The following ABI3BP variants were observed in gnomAD, a reference collection of about 807,000 sequenced individuals.
The protein encoded by ABI3BP is ABI family member 3 binding protein.
A neutral mutation model predicts 268.6 loss-of-function variants in ABI3BP; 216 were observed. That is an observed-to-expected ratio of 0.80 (90% CI 0.72 to 0.90). ABI3BP has a LOEUF of 0.90. ABI3BP is among the 40% of genes least tolerant of loss of function. The pLI, the probability that ABI3BP is intolerant of heterozygous loss-of-function variation, is 0.00. For missense variants in ABI3BP, 2,090 were observed against 2,182.4 expected (o/e 0.96, Z 0.84); for synonymous variants, 730 against 730.0 (o/e 1.00, Z 0.00).
rs2152844516 is a variant in ABI3BP at position 100,834,718 on chromosome 3, G to C, written c.2247C>G (p.Thr749=). 6 of 1,535,696 alleles carry C rather than the reference G, an allele frequency of 3.9e-6. No individual in the cohort carries two copies. The South Asian group carries it at 5.9e-5, about 15-fold the overall frequency. The change falls in exon 29 of 68, where the codon ACC becomes ACG. Residue 749 remains threonine (T), a synonymous_variant. Transcript: ENST00000471714. ...RTRRPRPKHK[T]TPRPETLQTK... ...TCTGCAGTGTCTCTGGGCGTGGCGT[G>C]GTTTTATGTTTGGGACGTGGACGAC...
intron 2 of ABI3BP, among the ~76,000 whole-genome samples, chr3:100,912,988 C>T (rs756026805): frequency 2.7e-4 from 41 of 152,112 alleles, no homozygotes; most frequent in Non-Finnish European, 4.0e-4. Flanking sequence ...GAGGGGAACC[C>T]CACTGAAGAA....
Position 100,835,604 on chromosome 3 carries a change from ATGT to A in ABI3BP, c.2185_2187del (p.Thr729del). Reference sequence around the variant, plus strand: ...TAAAGACATAAGAGGTCATTACCTAATGTTGTCACTGTAGCCTCAGTTCTCACA... The same window carrying A: ...TAAAGACATAAGAGGTCATTACCTAATGTCACTGTAGCCTCAGTTCTCACA... On this transcript the variant is annotated inframe_deletion, in exon 28 of 68. Coordinates refer to ENST00000471714, the MANE Select transcript of ABI3BP (RefSeq NM_001375547.2). The A allele has an allele frequency of 1.3e-6, 2 of 1,534,450 alleles. No homozygotes were observed. The highest frequency in any genetic ancestry group is 1.7e-6 in the Non-Finnish European group (2 of 1,145,622).
chr3:100,843,678 G>A (rs1279256381), intron 20 of ABI3BP: 1 of 984,148 alleles, frequency 1.0e-6, no homozygotes, highest in African/African-American at 1.7e-5. Flanking sequence ...GGGAGTGCAT[G>A]TATAGGTCTA....
chr3:100,942,881 CA>C (rs1256095329), intron 1 of ABI3BP, among the ~76,000 whole-genome samples: 5 of 152,000 alleles, frequency 3.3e-5, no homozygotes, highest in Non-Finnish European at 5.9e-5. Flanking sequence ...TTAATGGGCC[CA>C]ATGTCATTTG....
intron 1 of ABI3BP, among the ~76,000 whole-genome samples, chr3:100,968,042 A>G (rs991618592): frequency 4.6e-5 from 7 of 152,180 alleles, no homozygotes; most frequent in Non-Finnish European, 7.3e-5. Context: ...GGGCTATGTG[A>G]TATTAGAGGA....
intron 1 of ABI3BP, among the ~76,000 whole-genome samples, chr3:100,987,767 T>G (rs1180084998): frequency 6.6e-6 from 1 of 152,208 alleles, no homozygotes; most frequent in Non-Finnish European, 1.5e-5. Context: ...GATAATAATA[T>G]TTCACAGGTG....
At position 100,833,213 on chromosome 3, in the gene ABI3BP, G is replaced by A. The variant is rs964451325; in HGVS notation, c.2282-56C>T. On this transcript the variant is annotated intron_variant, in intron 29 of 67. Coordinates refer to ENST00000471714, the MANE Select transcript of ABI3BP (RefSeq NM_001375547.2). ...AAAAAGAAATAAATGTTAAACACAC[G>A]AGAAAAGCCATCATTCTCTTGAAAA... 7.0e-5 allele frequency: 101 copies of A among 1,440,976 alleles called. 1 individual carries two copies. The highest frequency in any genetic ancestry group is 8.7e-5 in the Non-Finnish European group (93 of 1,065,158). The allele number at this position is 1,440,976 out of a possible 1,614,324, so 89.3% of individuals were successfully genotyped here.
At chr3:100,913,208 A>G (rs1561585512) in intron 2 of ABI3BP, among the ~76,000 whole-genome samples, 1 of 152,280 alleles carries the variant, frequency 6.6e-6, no homozygotes, top group East Asian at 1.9e-4. Context: ...CACAACAGCA[A>G]ACTGGTTTCA....
chr3:100,922,176 A>G (rs759706582), intron 2 of ABI3BP, among the ~76,000 whole-genome samples: 6 of 152,228 alleles, frequency 3.9e-5, no homozygotes, highest in Non-Finnish European at 8.8e-5. Context: ...TCATCACTTT[A>G]TAGTTACAAA....
chr3:100,763,178 G>A (rs1296499285), intron 63 of ABI3BP, among the ~76,000 whole-genome samples: 6 of 151,982 alleles, frequency 3.9e-5, no homozygotes, highest in African/African-American at 1.4e-4. Context: ...ATCTAGACGG[G>A]GGCTGGGCGT....
intron 4 of ABI3BP, among the ~76,000 whole-genome samples, chr3:100,897,685 T>A (rs2048361463): frequency 6.6e-6 from 1 of 152,228 alleles, no homozygotes; most frequent in Non-Finnish European, 1.5e-5. Context: ...AAAATTTTTC[T>A]GTTTCCTGAT....
At chr3:100,817,321 A>G (rs1289692549) in intron 42 of ABI3BP, 115 bp downstream of exon 42, 3 of 664,100 alleles carry the variant, frequency 4.5e-6, no homozygotes, top group Non-Finnish European at 7.2e-6. Flanking sequence ...GTTGAAGGAT[A>G]GCAGAAGATG....
chr3:100,811,888 G>T, intron 46 of ABI3BP, 89 bp from the exon 47 acceptor site: 1 of 967,250 alleles, frequency 1.0e-6, no homozygotes, highest in Non-Finnish European at 1.6e-6. Flanking sequence ...AAATAGAATT[G>T]AGCTATCTTA....
chr3:100,946,427 C>A (rs2072354983), intron 1 of ABI3BP, among the ~76,000 whole-genome samples: 1 of 150,264 alleles, frequency 6.7e-6, no homozygotes, highest in Non-Finnish European at 1.5e-5. Context: ...ATTGTGATTC[C>A]AAATTTATCC....
intron 1 of ABI3BP, among the ~76,000 whole-genome samples, chr3:100,974,231 A>T (rs1395433396): frequency 6.6e-6 from 1 of 152,198 alleles, no homozygotes. Flanking sequence ...TTAATATATG[A>T]CAAAAAGCAA....
chr3:100,915,227 A>AC (rs1227724771), intron 2 of ABI3BP, among the ~76,000 whole-genome samples: 1 of 151,032 alleles, frequency 6.6e-6, no homozygotes, highest in African/African-American at 2.4e-5. Context: ...CCCCCAACCC[A>AC]CCCCCCAGGG....
At chr3:100,760,268 T>C (rs1420349209) in intron 63 of ABI3BP, among the ~76,000 whole-genome samples, 2 of 152,204 alleles carry the variant, frequency 1.3e-5, no homozygotes. Flanking sequence ...CACATGTAAG[T>C]CTGGCACACA....
At chr3:100,902,367 G>A (rs2050841795) in intron 3 of ABI3BP, among the ~76,000 whole-genome samples, 1 of 152,120 alleles carries the variant, frequency 6.6e-6, no homozygotes, top group Non-Finnish European at 1.5e-5. Flanking sequence ...CAGAATCCAG[G>A]AGTAGAGAGG....
chr3:100,813,607 A>G, intron 45 of ABI3BP, 54 bp downstream of exon 45: 2 of 1,302,920 alleles, frequency 1.5e-6, no homozygotes, highest in Non-Finnish European at 1.1e-6. Flanking sequence ...AGAGAATTAC[A>G]GTATGCCTCT....
Sources: allele counts gnomAD v4.1 joint callset (sites outside exome capture counted in the v4.1 genomes callset), GRCh38; gene constraint gnomAD v4.1.1; transcripts MANE v1.5; gene names NCBI Gene and HGNC (gene_info 2026-07-23, HGNC 2026-07-21).